Variants in NEIL2 observed in about 807,000 individuals in gnomAD.
The protein encoded by NEIL2 is endonuclease 8-like 2.
In NEIL2, 23 loss-of-function variants were observed where a neutral mutation model predicts 22.2. The observed-to-expected ratio is 1.04, with a 90% CI of 0.75 to 1.47. NEIL2 has a LOEUF of 1.47. Among genes scored for constraint, NEIL2 ranks in the 40% most tolerant of loss-of-function variants. The pLI, the probability that NEIL2 is intolerant of heterozygous loss-of-function variation, is 0.00. For synonymous variants in NEIL2, 229 were observed against 164.8 expected (o/e 1.39, Z -2.99); for missense variants, 583 against 404.7 (o/e 1.44, Z -3.78).
In NEIL2 at chr8:11,786,332, C is replaced by G. The variant is rs1262460426; in HGVS notation, c.*59C>G. The G allele has an allele frequency of 5.9e-6, 9 of 1,533,884 alleles. No individual in the cohort carries two copies. The East Asian group carries it at 1.7e-4, about 28-fold the overall frequency. ...CTTGGGGAACCTGACGTCTAAGTGT[C>G]CAGAAAGGAGGATGTGGGCAGGGAC... is the stretch of plus-strand genomic sequence containing the variant. On this transcript the variant is annotated 3_prime_UTR_variant, in exon 5 of 5. Coordinates refer to ENST00000284503, the MANE Select transcript of NEIL2 (RefSeq NM_145043.4).
intron 2 of NEIL2, among the ~76,000 whole-genome samples, chr8:11,779,393 C>A (rs8191605): frequency 0.061 from 9,297 of 152,312 alleles, 378 homozygotes; most frequent in Middle Eastern, 0.11. Flanking sequence ...AACTAAGTCT[C>A]CTTGCTCCCA....
Position 11,783,383 on chromosome 8 carries a change from A to G in NEIL2, c.672A>G (p.Arg224=), listed in dbSNP as rs775459951. The part of the protein sequence containing the change: ...QPVCYTLLDQ[R]YFSGLGNIIK... ...TCTGCTATACACTGCTGGACCAGAG[A>G]TACTTCTCAGGGCTAGGTATGACTC... Residue 224 remains arginine (R), a synonymous_variant, in exon 4 of 5, where the codon AGA becomes AGG. Coordinates refer to ENST00000284503, the MANE Select transcript of NEIL2 (RefSeq NM_145043.4). 14 of 1,614,002 alleles carry G rather than the reference A, an allele frequency of 8.7e-6. No homozygotes were observed. The highest frequency in any genetic ancestry group is 9.3e-6 in the Non-Finnish European group (11 of 1,179,992).
intron 1 of NEIL2, 47 bp from the exon 2 acceptor site, chr8:11,771,399 A>G (rs1330615751): frequency 3.7e-6 from 6 of 1,611,398 alleles, no homozygotes; most frequent in Non-Finnish European, 5.1e-6. Flanking sequence ...GATGCTAGAG[A>G]TAAATGAGCT....
chr8:11,785,205 A>T (rs539618508), intron 4 of NEIL2, among the ~76,000 whole-genome samples: 93 of 148,332 alleles, frequency 6.3e-4, no homozygotes, highest in Middle Eastern at 8.0e-3. Flanking sequence ...TTAAAAAAAA[A>T]TTTTTTTTGA....
chr8:11,785,026 GC>G (rs1016137950), intron 4 of NEIL2, among the ~76,000 whole-genome samples: 5 of 152,026 alleles, frequency 3.3e-5, no homozygotes, highest in African/African-American at 1.2e-4. Flanking sequence ...ATGACATCAC[GC>G]CTCACTAATT....
chr8:11,785,343 G>A (rs1230491401), intron 4 of NEIL2, among the ~76,000 whole-genome samples: 1 of 152,074 alleles, frequency 6.6e-6, no homozygotes, highest in Non-Finnish European at 1.5e-5. Flanking sequence ...TTACAGGCAG[G>A]TGCCACCATG....
chr8:11,773,446 A>G (rs1803644551), intron 2 of NEIL2, among the ~76,000 whole-genome samples: 2 of 152,264 alleles, frequency 1.3e-5, no homozygotes, highest in South Asian at 2.1e-4. Context: ...AATTGAGAAC[A>G]TACGGCTTGT....
intron 3 of NEIL2, among the ~76,000 whole-genome samples, chr8:11,780,347 T>G (rs747596124): frequency 6.6e-6 from 1 of 152,186 alleles, no homozygotes; most frequent in Non-Finnish European, 1.5e-5. Context: ...TAACATTCAG[T>G]AGAATGCAGA....
chr8:11,772,063 T>C (rs1202522590), intron 2 of NEIL2, among the ~76,000 whole-genome samples: 1 of 151,710 alleles, frequency 6.6e-6, no homozygotes, highest in East Asian at 1.9e-4. Flanking sequence ...ATTGGCTGGG[T>C]GTGGTGGTGG....
intron 2 of NEIL2, among the ~76,000 whole-genome samples, chr8:11,772,987 A>G (rs991809876): frequency 6.6e-6 from 1 of 152,126 alleles, no homozygotes; most frequent in African/African-American, 2.4e-5. Context: ...GAGATCCTGT[A>G]GCCCTGTACC....
chr8:11,785,198 A>G (rs1263570093), intron 4 of NEIL2, among the ~76,000 whole-genome samples: 1 of 149,248 alleles, frequency 6.7e-6, no homozygotes, highest in Non-Finnish European at 1.5e-5. Flanking sequence ...TTTTAATTTA[A>G]AAAAAAATTT....
intron 3 of NEIL2, among the ~76,000 whole-genome samples, chr8:11,781,751 T>G (rs1445866965): frequency 6.6e-6 from 1 of 152,232 alleles, no homozygotes; most frequent in African/African-American, 2.4e-5. Context: ...ACTTTGTTGG[T>G]CTTTGAAATA....
At chr8:11,772,749 G>T (rs1323661061) in intron 2 of NEIL2, among the ~76,000 whole-genome samples, 2 of 152,198 alleles carry the variant, frequency 1.3e-5, no homozygotes, top group Non-Finnish European at 2.9e-5. Context: ...CTCTGCTGCT[G>T]CTTAGCCGTG....
chr8:11,785,248 T>G (rs1161906486), intron 4 of NEIL2, among the ~76,000 whole-genome samples: 4 of 152,100 alleles, frequency 2.6e-5, no homozygotes, highest in Non-Finnish European at 5.9e-5. Context: ...CAGGCTGGAG[T>G]GCAGTGGCAC....
Position 11,772,849 on chromosome 8 carries a change from A to C in NEIL2, c.138+1264A>C, listed in dbSNP as rs948714520. ...CTCTTAAAGTTGTTGTTTTAAGTAGAGTTTATGCCTGGCACATAACGGGTA... is the reference window on the plus strand; with the variant it reads ...CTCTTAAAGTTGTTGTTTTAAGTAGCGTTTATGCCTGGCACATAACGGGTA... On this transcript the variant is annotated intron_variant, in intron 2 of 4. Coordinates refer to ENST00000284503, the MANE Select transcript of NEIL2 (RefSeq NM_145043.4). Among the ~76,000 whole-genome samples the C allele has an allele frequency of 5.9e-5, 9 of 152,176 alleles. 1 individual carries two copies. The highest frequency in any genetic ancestry group is 2.2e-4 in the African/African-American group (9 of 41,428).
chr8:11,780,427 C>A (rs527972129), intron 3 of NEIL2, among the ~76,000 whole-genome samples: 31 of 152,332 alleles, frequency 2.0e-4, no homozygotes, highest in African/African-American at 6.3e-4. Context: ...TTGGCCCAGG[C>A]TGGAGTGCAG....
In NEIL2 at chr8:11,769,806, C is replaced by A. The variant is rs992786554; in HGVS notation, c.-532C>A. On this transcript the variant is annotated 5_prime_UTR_variant, in exon 1 of 5. Coordinates refer to ENST00000284503, the MANE Select transcript of NEIL2 (RefSeq NM_145043.4). ...ACCCGGAGCCGGTGAGTGCAGCCGC[C>A]CGCCCTCCGGTAGATCTGCGGCCTG... is the stretch of plus-strand genomic sequence containing the variant. 1 of 152,310 alleles carries A rather than the reference C, an allele frequency of 6.6e-6. No individual in the cohort carries two copies. The highest frequency in any genetic ancestry group is 1.5e-5 in the Non-Finnish European group (1 of 68,136). The allele number at this position is 152,310 out of a possible 1,614,324, so 9.4% of individuals were successfully genotyped here. A position where few individuals can be genotyped will look rare whatever the true frequency, so the allele number is the denominator to read the frequency against.
intron 2 of NEIL2, among the ~76,000 whole-genome samples, chr8:11,779,160 G>C (rs1203967505): frequency 4.6e-5 from 7 of 152,042 alleles, no homozygotes; most frequent in African/African-American, 9.7e-5. Flanking sequence ...TGGTGGAGGG[G>C]GTAGCGAGGG....
Position 11,786,628 on chromosome 8 carries a change from G to GTT in NEIL2, c.*370_*371dup, listed in dbSNP as rs71539743. 0.24 allele frequency: 50,525 copies of GTT among 212,838 alleles called. 5,229 individuals carry two copies. Among genetic ancestry groups the GTT allele is most frequent in the Non-Finnish European group, 0.27 (30,153 of 109,898 alleles). 13.2% of individuals were successfully genotyped at this position (212,838 alleles called of 1,614,324 possible). On this transcript the variant is annotated 3_prime_UTR_variant, in exon 5 of 5. Transcript: ENST00000284503. ...CAACATAGCTTTGCAGATGATGTGGGTTTTTTTTTTTTTTTTGGTTGTTTG... is the reference window on the plus strand; with the variant it reads ...CAACATAGCTTTGCAGATGATGTGGGTTTTTTTTTTTTTTTTTTGGTTGTTTG...
Sources: gnomAD v4.1 joint callset for allele counts (sites outside exome capture counted in the v4.1 genomes callset) on GRCh38, gnomAD v4.1.1 for gene constraint, MANE v1.5 for transcripts, NCBI Gene and HGNC (gene_info 2026-07-23, HGNC 2026-07-21) for gene names.